The following PICALM variants were observed in gnomAD, a reference collection of about 807,000 sequenced individuals.
PICALM encodes phosphatidylinositol-binding clathrin assembly protein.
A neutral mutation model predicts 80.5 loss-of-function variants in PICALM; 40 were observed. The observed-to-expected ratio is 0.50, with a 90% CI of 0.39 to 0.65. The LOEUF (loss-of-function observed/expected upper bound fraction) is 0.65, where lower values mean the gene tolerates loss of function less well. PICALM is among the 30% of genes least tolerant of loss of function. The pLI is 0.00. For synonymous variants in PICALM, 288 were observed against 260.3 expected (o/e 1.11, Z -1.02); for missense variants, 676 against 778.9 (o/e 0.87, Z 1.57).
At chr11:85,964,060 T>C (rs1319353168) in intron 19 of PICALM, among the ~76,000 whole-genome samples, 1 of 150,090 alleles carries the variant, frequency 6.7e-6, no homozygotes, top group Non-Finnish European at 1.5e-5. Context: ...TATCATAAAA[T>C]AAAAATGGTT....
intron 7 of PICALM, among the ~76,000 whole-genome samples, chr11:86,008,337 A>C (rs1368405652): frequency 1.3e-5 from 2 of 152,170 alleles, no homozygotes; most frequent in Non-Finnish European, 2.9e-5. Flanking sequence ...AAAATCTGAT[A>C]AAGGCCAGAT....
intron 8 of PICALM, chr11:86,003,670 A>G (rs1277871169): frequency 2.8e-6 from 1 of 362,154 alleles, no homozygotes; most frequent in African/African-American, 2.1e-5. Flanking sequence ...AAAAACGTTA[A>G]GAACTGAAAA....
Position 86,033,211 on chromosome 11 carries a change from CAG to C in PICALM, c.131-1602_131-1601del, listed in dbSNP as rs566783891. Among the ~76,000 whole-genome samples, 499 of 152,300 alleles carry C rather than the reference CAG, an allele frequency of 3.3e-3. 3 individuals are homozygous for C. Among genetic ancestry groups the C allele is most frequent in the African/African-American group, 0.011 (472 of 41,548 alleles). On this transcript the variant is annotated intron_variant, in intron 1 of 19. Coordinates refer to ENST00000393346, the MANE Select transcript of PICALM (RefSeq NM_007166.4). ...TTACACTAGACTTCAGTTTCAACGA[CAG>C]TACTTTATACACACAAACACACACA... is the stretch of plus-strand genomic sequence containing the variant.
At chr11:85,982,514 A>G (rs967457061) in intron 14 of PICALM, among the ~76,000 whole-genome samples, 1 of 138,174 alleles carries the variant, frequency 7.2e-6, no homozygotes, top group Non-Finnish European at 1.5e-5. Context: ...TGCAAGCTCC[A>G]CTTCCTGGGT....
chr11:86,008,182 G>A (rs2095317257), intron 7 of PICALM, among the ~76,000 whole-genome samples: 2 of 152,002 alleles, frequency 1.3e-5, no homozygotes, highest in Admixed American at 6.6e-5. Context: ...GCAATTTCCA[G>A]CAAAAAAAGA....
intron 9 of PICALM, among the ~76,000 whole-genome samples, chr11:86,001,799 T>C (rs1210457925): frequency 6.6e-6 from 1 of 152,204 alleles, no homozygotes; most frequent in Non-Finnish European, 1.5e-5. Flanking sequence ...GCACCTCCTT[T>C]CCCTTTTATC....
intron 1 of PICALM, among the ~76,000 whole-genome samples, chr11:86,045,235 A>G (rs1161898228): frequency 6.6e-6 from 1 of 152,186 alleles, no homozygotes; most frequent in African/African-American, 2.4e-5. Context: ...TACGCCTTTA[A>G]GTTTCTACAA....
chr11:86,054,728 T>C (rs2096243978), intron 1 of PICALM, among the ~76,000 whole-genome samples: 1 of 152,214 alleles, frequency 6.6e-6, no homozygotes, highest in Admixed American at 6.5e-5. Flanking sequence ...GTTTGCACAT[T>C]TTACACTATT....
Position 86,000,684 on chromosome 11 carries a change from T to C in PICALM, c.1113A>G (p.Ala371=). Residue 371 remains alanine, a synonymous_variant, in exon 11 of 20, where the codon GCA becomes GCG. Coordinates refer to ENST00000393346, the MANE Select transcript of PICALM (RefSeq NM_007166.4). Reference sequence around the variant, plus strand: ...GGGTAGAAAATATGTCAATGGCTGGTGCAGTCATTATCCCTCCTGCTGAGG... The same window carrying C: ...GGGTAGAAAATATGTCAATGGCTGGCGCAGTCATTATCCCTCCTGCTGAGG... The part of the protein sequence containing the change: ...VSTSAGGIMT[A]PAIDIFSTPS... 4.3e-6 allele frequency: 7 copies of C among 1,609,518 alleles called. No individual in the cohort carries two copies. The highest frequency in any genetic ancestry group is 5.9e-6 in the Non-Finnish European group (7 of 1,178,172).
chr11:86,057,514 G>C (rs1310852865), intron 1 of PICALM, among the ~76,000 whole-genome samples: 1 of 151,790 alleles, frequency 6.6e-6, no homozygotes. Flanking sequence ...CTCCAGCCTG[G>C]GCAACAGAGT....
At chr11:86,009,663 G>A (rs912904303) in intron 7 of PICALM, among the ~76,000 whole-genome samples, 2 of 152,208 alleles carry the variant, frequency 1.3e-5, no homozygotes, top group Non-Finnish European at 2.9e-5. Flanking sequence ...TTGCACTCCA[G>A]CCTAGGGGAC....
intron 19 of PICALM, among the ~76,000 whole-genome samples, chr11:85,961,322 G>A (rs962128651): frequency 1.3e-5 from 2 of 152,136 alleles, no homozygotes; most frequent in African/African-American, 4.8e-5. Context: ...TTATCTTGAC[G>A]AACTGCAGCT....
In PICALM at chr11:86,011,087, G is replaced by C. The variant is rs779087220; in HGVS notation, c.708C>G (p.Ile236Met). 1 of 1,551,514 alleles carries C rather than the reference G, an allele frequency of 6.4e-7. No homozygotes were observed. Residue 236 changes from isoleucine to methionine, a missense_variant, in exon 7 of 20, where the codon ATC (isoleucine) becomes ATG (methionine). Around this residue, in one of 2 missense-constraint regions of PICALM, gnomAD observed 285 missense variants for 395.4 expected, o/e 0.72. Transcript: ENST00000393346. ...KKNQCKEGLD[I>M]YKKFLTRMTR... Reference sequence around the variant, plus strand: ...TCATCCTAGTTAGGAACTTCTTATAGATGTCAAGACCTTCTTTGCATTGGT... The same window carrying C: ...TCATCCTAGTTAGGAACTTCTTATACATGTCAAGACCTTCTTTGCATTGGT...
chr11:85,996,974 T>C, intron 11 of PICALM, 45 bp from the exon 12 acceptor site: 4 of 1,334,326 alleles, frequency 3.0e-6, no homozygotes, highest in Non-Finnish European at 4.3e-6. Context: ...CAGAAAAACT[T>C]TGCTACTTTA....
At chr11:86,057,404 T>G (rs548962531) in intron 1 of PICALM, among the ~76,000 whole-genome samples, 3 of 152,182 alleles carry the variant, frequency 2.0e-5, no homozygotes, top group Non-Finnish European at 2.9e-5. Context: ...CTGGGCCTGG[T>G]GGCTCGCGCC....
intron 13 of PICALM, among the ~76,000 whole-genome samples, chr11:85,989,731 G>A (rs540406896): frequency 2.7e-4 from 41 of 152,064 alleles, no homozygotes; most frequent in African/African-American, 8.9e-4. Flanking sequence ...TCAATAAAGT[G>A]AAATCCTTCA....
chr11:85,982,159 A>G (rs2094458197), intron 14 of PICALM, 156 bp from the exon 15 acceptor site: 1 of 625,088 alleles, frequency 1.6e-6, no homozygotes, highest in Non-Finnish European at 2.8e-6. Context: ...AAATGAAGAA[A>G]GTCACCACTT....
At chr11:85,963,051 T>G (rs2093742936) in intron 19 of PICALM, among the ~76,000 whole-genome samples, 1 of 152,024 alleles carries the variant, frequency 6.6e-6, no homozygotes, top group Non-Finnish European at 1.5e-5. Flanking sequence ...AGGTGAGAAG[T>G]AGGAGAATTT....
At chr11:86,007,384 T>A in intron 8 of PICALM, 158 bp downstream of exon 8, 1 of 490,274 alleles carries the variant, frequency 2.0e-6, no homozygotes, top group Non-Finnish European at 3.9e-6. Flanking sequence ...TACGTGGTCA[T>A]AGTGTTAGAA....
Sources: allele counts gnomAD v4.1 joint callset (sites outside exome capture counted in the v4.1 genomes callset), GRCh38; gene constraint gnomAD v4.1.1; regional missense constraint gnomAD v4.1.1; transcripts MANE v1.5; gene names NCBI Gene and HGNC (gene_info 2026-07-23, HGNC 2026-07-21).